GALNT13: variants seen among roughly 807,000 people sequenced by gnomAD.
The protein encoded by GALNT13 is UDP-GalNAc:polypeptide N-acetylgalactosaminyltransferase 13.
In GALNT13, 28 loss-of-function variants were observed where a neutral mutation model predicts 64.2. The observed-to-expected ratio is 0.44, with a 90% CI of 0.32 to 0.60. GALNT13 has a LOEUF of 0.60. Ranked by LOEUF, GALNT13 falls within the 20% of genes least tolerant of loss-of-function variation. GALNT13 has a pLI of 0.05. For missense variants in GALNT13, 577 were observed against 669.8 expected (o/e 0.86, Z 1.53); for synonymous variants, 214 against 224.6 (o/e 0.95, Z 0.42).
At chr2:153,994,869 G>T (rs1404370497) in intron 3 of GALNT13, among the ~76,000 whole-genome samples, 2 of 151,896 alleles carry the variant, frequency 1.3e-5, no homozygotes, top group Admixed American at 6.6e-5. Flanking sequence ...TCTGTAGGTT[G>T]CCTGTTCACT....
intron 3 of GALNT13, among the ~76,000 whole-genome samples, chr2:154,109,560 G>A (rs182281666): frequency 6.6e-6 from 1 of 152,060 alleles, no homozygotes; most frequent in East Asian, 1.9e-4. Flanking sequence ...CCAGATCTCA[G>A]AGGAAGGACT....
intron 1 of GALNT13, among the ~76,000 whole-genome samples, chr2:153,874,722 A>G (rs1686237756): frequency 6.6e-6 from 1 of 152,132 alleles, no homozygotes; most frequent in Non-Finnish European, 1.5e-5. Context: ...GGTTTCATTT[A>G]GATTTTTTAT....
chr2:153,504,533 G>T, the GALNT13 span, among the ~76,000 whole-genome samples: 1 of 152,078 alleles, frequency 6.6e-6, no homozygotes, highest in Non-Finnish European at 1.5e-5. Flanking sequence ...TCATAGATGG[G>T]TTTTATTACC....
chr2:153,181,034 T>C, the GALNT13 span, among the ~76,000 whole-genome samples: 2 of 122,912 alleles, frequency 1.6e-5, no homozygotes, highest in Admixed American at 8.0e-5. Context: ...TTGTTTCTTT[T>C]TTTTTTTTTT....
intron 9 of GALNT13, among the ~76,000 whole-genome samples, chr2:154,346,844 C>T (rs1273608671): frequency 6.6e-6 from 1 of 152,024 alleles, no homozygotes; most frequent in Non-Finnish European, 1.5e-5. Flanking sequence ...CTCTCCTAGA[C>T]CCTGGTCAAA....
chr2:154,177,687 A>G (rs938309158), intron 4 of GALNT13, among the ~76,000 whole-genome samples: 2 of 152,156 alleles, frequency 1.3e-5, no homozygotes, highest in Non-Finnish European at 2.9e-5. Context: ...AAGGGAATAT[A>G]TGGGAATGCT....
intron 10 of GALNT13, among the ~76,000 whole-genome samples, chr2:154,404,651 T>C (rs900268320): frequency 6.6e-6 from 1 of 152,130 alleles, no homozygotes; most frequent in Non-Finnish European, 1.5e-5. Flanking sequence ...TCCTCTCTAA[T>C]ATCTGAAGGG....
At chr2:153,123,946 A>G in the GALNT13 span, among the ~76,000 whole-genome samples, 95 of 152,216 alleles carry the variant, frequency 6.2e-4, no homozygotes, top group Non-Finnish European at 1.3e-3. Flanking sequence ...GAGAAATAGC[A>G]TATGGGAAAC....
At position 154,132,734 on chromosome 2, in the gene GALNT13, TA is replaced by T. The variant is rs533770631; in HGVS notation, c.143-7592del. Among the ~76,000 whole-genome samples the T allele has an allele frequency of 1.4e-3, 196 of 143,858 alleles. 1 individual carries two copies. The highest frequency in any genetic ancestry group is 0.013 in the South Asian group (58 of 4,574). 94.4% of individuals were successfully genotyped at this position (143,858 alleles called of 152,430 possible). A position where few individuals can be genotyped will look rare whatever the true frequency, so the allele number is the denominator to read the frequency against. On this transcript the variant is annotated intron_variant, in intron 3 of 12. Coordinates refer to ENST00000392825, the MANE Select transcript of GALNT13 (RefSeq NM_052917.4). ...AACATGAAAAAATAACATGAAAAAATAAAAAAAAAAATTAGCTGGGCGTGCT... is the reference window on the plus strand; with the variant it reads ...AACATGAAAAAATAACATGAAAAAATAAAAAAAAAATTAGCTGGGCGTGCT...
the GALNT13 span, among the ~76,000 whole-genome samples, chr2:153,207,054 A>G: frequency 2.3e-3 from 348 of 152,228 alleles, 6 homozygotes; most frequent in East Asian, 0.021. Flanking sequence ...CATTAACAAT[A>G]CTTAATACTA....
chr2:154,168,578 T>C (rs1685165789), intron 4 of GALNT13, among the ~76,000 whole-genome samples: 1 of 150,902 alleles, frequency 6.6e-6, no homozygotes. Flanking sequence ...CTCACACCTG[T>C]AATCCCAGCA....
Position 153,988,057 on chromosome 2 carries a change from CATAT to C in GALNT13, c.142+43432_142+43435del, listed in dbSNP as rs149702413. Among the ~76,000 whole-genome samples the C allele has an allele frequency of 4.3e-3, 503 of 118,246 alleles. 2 individuals are homozygous for C. Among genetic ancestry groups the C allele is most frequent in the African/African-American group, 0.012 (461 of 39,350 alleles). The allele number at this position is 118,246 out of a possible 152,430, so 77.6% of individuals were successfully genotyped here. A position where few individuals can be genotyped will look rare whatever the true frequency, so the allele number is the denominator to read the frequency against. The stretch of plus-strand genomic sequence containing the variant: ...GTATACATTTGAGGGTAGGAGGTGA[CATAT>C]ATATATATATATACACACACACACA... On this transcript the variant is annotated intron_variant, in intron 3 of 12. Coordinates refer to ENST00000392825, the MANE Select transcript of GALNT13 (RefSeq NM_052917.4).
chr2:154,445,704 C>T, intron 12 of GALNT13: 34 of 585,728 alleles, frequency 5.8e-5, no homozygotes, highest in Middle Eastern at 3.4e-4. Context: ...AACATAAATC[C>T]AATAATTTGT....
intron 3 of GALNT13, among the ~76,000 whole-genome samples, chr2:153,977,138 T>A (rs980571796): frequency 2.6e-5 from 4 of 152,184 alleles, no homozygotes; most frequent in African/African-American, 4.8e-5. Flanking sequence ...AAATCCTTTA[T>A]AATTTGACTT....
chr2:153,366,726 CA>C, the GALNT13 span, among the ~76,000 whole-genome samples: 1 of 81,902 alleles, frequency 1.2e-5, no homozygotes, highest in Admixed American at 1.1e-4. Flanking sequence ...CAGGGACACA[CA>C]CACACACACA....
the GALNT13 span, among the ~76,000 whole-genome samples, chr2:153,771,738 A>G: frequency 6.6e-6 from 1 of 152,178 alleles, no homozygotes; most frequent in African/African-American, 2.4e-5. Context: ...TAAAGCGGAG[A>G]GGACTCCAGT....
At chr2:153,241,388 T>C in the GALNT13 span, among the ~76,000 whole-genome samples, 1 of 152,194 alleles carries the variant, frequency 6.6e-6, no homozygotes, top group African/African-American at 2.4e-5. Flanking sequence ...GCATTTTGCT[T>C]TGGCTGGGAT....
chr2:153,143,914 T>C, the GALNT13 span, among the ~76,000 whole-genome samples: 1 of 152,018 alleles, frequency 6.6e-6, no homozygotes, highest in African/African-American at 2.4e-5. Context: ...TATCTTTAAA[T>C]GACAGGCATA....
At chr2:154,088,053 A>G (rs1040984499) in intron 3 of GALNT13, among the ~76,000 whole-genome samples, 1 of 152,072 alleles carries the variant, frequency 6.6e-6, no homozygotes, top group African/African-American at 2.4e-5. Context: ...CTAATTAACT[A>G]TTTCTAAACA....
Sources: gnomAD v4.1 joint callset for allele counts (sites outside exome capture counted in the v4.1 genomes callset) on GRCh38, gnomAD v4.1.1 for gene constraint, MANE v1.5 for transcripts, NCBI Gene and HGNC (gene_info 2026-07-23, HGNC 2026-07-21) for gene names.